CHLSN: variants seen among roughly 807,000 people sequenced by gnomAD.
CHLSN encodes protein cholesin.
chr7:1,015,233 T>A, the CHLSN span, among the ~76,000 whole-genome samples: 1 of 151,338 alleles, frequency 6.6e-6, no homozygotes, highest in Non-Finnish European at 1.5e-5. Flanking sequence ...AGAGGTGGGG[T>A]CGGGAAGAGG....
the CHLSN span, among the ~76,000 whole-genome samples, chr7:1,106,024 C>T: frequency 1.2e-3 from 190 of 152,194 alleles, no homozygotes; most frequent in Non-Finnish European, 2.2e-3. Flanking sequence ...GAGTTGCTTT[C>T]CTTGCTCAAC....
chr7:1,048,119 G>T, the CHLSN span, among the ~76,000 whole-genome samples: 76 of 152,288 alleles, frequency 5.0e-4, no homozygotes, highest in Non-Finnish European at 9.7e-4. Flanking sequence ...AAAATGTCAA[G>T]GACGAGCCAG....
At chr7:1,051,071 C>T in the CHLSN span, among the ~76,000 whole-genome samples, 1 of 152,190 alleles carries the variant, frequency 6.6e-6, no homozygotes, top group African/African-American at 2.4e-5. Flanking sequence ...AGAGGCCACC[C>T]CTGCGTCGCA....
At chr7:1,137,362 T>TGGAA in the CHLSN span, 2 of 152,532 alleles carry the variant, frequency 1.3e-5, no homozygotes, top group African/African-American at 2.4e-5. Context: ...CCCTCCAGAA[T>TGGAA]GGAAGTTCAC....
chr7:1,027,697 G>A, the CHLSN span, among the ~76,000 whole-genome samples: 2 of 152,264 alleles, frequency 1.3e-5, no homozygotes, highest in Non-Finnish European at 2.9e-5. Context: ...AGTGGGGGCC[G>A]CCTTGCCTCA....
the CHLSN span, among the ~76,000 whole-genome samples, chr7:1,107,142 C>T: frequency 1.3e-5 from 2 of 151,874 alleles, no homozygotes; most frequent in African/African-American, 4.8e-5. Context: ...AGGGAAAGAG[C>T]CACAGAGGAA....
chr7:1,009,602 G>C, the CHLSN span, among the ~76,000 whole-genome samples: 1 of 152,162 alleles, frequency 6.6e-6, no homozygotes, highest in African/African-American at 2.4e-5. Context: ...AGGCCACCAC[G>C]AGTTCCCTCC....
the CHLSN span, chr7:987,398 G>T: frequency 6.3e-7 from 1 of 1,595,056 alleles, no homozygotes; most frequent in African/African-American, 1.3e-5. Context: ...CGGACTCCCC[G>T]GCTGGAGGAC....
At chr7:1,030,232 C>T in the CHLSN span, among the ~76,000 whole-genome samples, 2 of 152,206 alleles carry the variant, frequency 1.3e-5, no homozygotes, top group African/African-American at 4.8e-5. Context: ...ACGCATCCAC[C>T]CACCTCCATA....
the CHLSN span, among the ~76,000 whole-genome samples, chr7:1,084,697 C>T: frequency 2.0e-5 from 3 of 152,198 alleles, no homozygotes; most frequent in Non-Finnish European, 4.4e-5. Flanking sequence ...CCGTGTAGAC[C>T]CACGCACCCC....
At chr7:1,062,993 C>T in the CHLSN span, among the ~76,000 whole-genome samples, 1 of 152,186 alleles carries the variant, frequency 6.6e-6, no homozygotes, top group Admixed American at 6.5e-5. Flanking sequence ...GAACCCTAAC[C>T]CTTACAGAAT....
chr7:993,140 G>A, the CHLSN span, among the ~76,000 whole-genome samples: 5 of 152,182 alleles, frequency 3.3e-5, no homozygotes, highest in South Asian at 2.1e-4. Flanking sequence ...TGAAACCCAC[G>A]CAGCCAGCAG....
chr7:1,053,329 G>C, the CHLSN span, among the ~76,000 whole-genome samples: 1 of 152,256 alleles, frequency 6.6e-6, no homozygotes, highest in Non-Finnish European at 1.5e-5. Context: ...GGCGTCCACA[G>C]TAGAGCCCAG....
the CHLSN span, among the ~76,000 whole-genome samples, chr7:1,051,793 G>A: frequency 6.6e-6 from 1 of 152,242 alleles, no homozygotes; most frequent in African/African-American, 2.4e-5. Context: ...GGGCAACATA[G>A]TGAGACCCTG....
At chr7:1,054,485 G>C in the CHLSN span, among the ~76,000 whole-genome samples, 1 of 152,186 alleles carries the variant, frequency 6.6e-6, no homozygotes, top group Non-Finnish European at 1.5e-5. Context: ...ACGCACTCGA[G>C]AGCCGGTTCA....
chr7:1,074,975 G>C, the CHLSN span, among the ~76,000 whole-genome samples: 45 of 152,342 alleles, frequency 3.0e-4, no homozygotes, highest in Non-Finnish European at 5.7e-4. Context: ...GTGAGCGGGA[G>C]GACGTGTGAG....
chr7:1,091,796 C>T, the CHLSN span: 1 of 1,591,988 alleles, frequency 6.3e-7, no homozygotes, highest in South Asian at 1.1e-5. Flanking sequence ...CAGCCTGCGG[C>T]CCCCAACACC....
chr7:1,094,829 AC>A, the CHLSN span, among the ~76,000 whole-genome samples: 3 of 151,894 alleles, frequency 2.0e-5, no homozygotes, highest in South Asian at 6.2e-4. Context: ...ATTCTCCATG[AC>A]CCCAGCACCG....
At chr7:987,173 G>A in the CHLSN span, 1 of 1,567,776 alleles carries the variant, frequency 6.4e-7, no homozygotes, top group Admixed American at 1.8e-5. Context: ...CATGGTCATG[G>A]CCGGGACGGA....
Sources: allele counts gnomAD v4.1 joint callset (sites outside exome capture counted in the v4.1 genomes callset), GRCh38; gene constraint gnomAD v4.1.1; transcripts MANE v1.5; gene names NCBI Gene and HGNC (gene_info 2026-07-23, HGNC 2026-07-21).